GPHN: variants seen among roughly 807,000 people sequenced by gnomAD.
The protein encoded by GPHN is gephyrin.
Under a neutral mutation model 95.5 loss-of-function variants are expected in GPHN, and 17 were observed. The observed-to-expected ratio is 0.18, with a 90% CI of 0.12 to 0.27. The LOEUF is 0.27. GPHN is among the 10% of genes least tolerant of loss of function. GPHN has a pLI of 1.00. For missense variants in GPHN, 660 were observed against 978.1 expected (o/e 0.67, Z 4.34); for synonymous variants, 320 against 322.5 (o/e 0.99, Z 0.08).
chr14:67,592,580 C>G, the GPHN span: 2 of 1,037,632 alleles, frequency 1.9e-6, no homozygotes, highest in African/African-American at 3.1e-5. Context: ...AATTTACATT[C>G]CTAATGAAAA....
At chr14:67,054,087 A>C (rs923718603) in intron 10 of GPHN, among the ~76,000 whole-genome samples, 2 of 152,200 alleles carry the variant, frequency 1.3e-5, no homozygotes, top group Non-Finnish European at 2.9e-5. Flanking sequence ...CTCCTATTCA[A>C]CATAGAATTG....
chr14:67,452,364 A>G, the GPHN span, among the ~76,000 whole-genome samples: 3 of 151,488 alleles, frequency 2.0e-5, no homozygotes, highest in South Asian at 4.2e-4. Flanking sequence ...TTCTCTGTAC[A>G]AGGTTTTTTT....
At chr14:67,197,857 A>G in the GPHN span, among the ~76,000 whole-genome samples, 2 of 151,918 alleles carry the variant, frequency 1.3e-5, no homozygotes, top group African/African-American at 2.4e-5. Context: ...TTTTTACTAT[A>G]TGTATCTGTT....
chr14:67,659,665 ATAGT>A, the GPHN span: 1 of 1,472,236 alleles, frequency 6.8e-7, no homozygotes, highest in Non-Finnish European at 9.1e-7. Context: ...CCCCAACAAT[ATAGT>A]TAATTTTTGT....
chr14:67,716,129 G>A, the GPHN span, among the ~76,000 whole-genome samples: 1 of 151,790 alleles, frequency 6.6e-6, no homozygotes, highest in Non-Finnish European at 1.5e-5. Context: ...CCTGGGAGGC[G>A]GAGCTTGCAG....
At chr14:66,725,230 T>A (rs1366085997) in intron 2 of GPHN, among the ~76,000 whole-genome samples, 4 of 152,204 alleles carry the variant, frequency 2.6e-5, no homozygotes, top group African/African-American at 9.6e-5. Context: ...CCACCCAGTG[T>A]ATGTATTTTA....
rs1216822770 is a variant in GPHN at position 66,685,790 on chromosome 14, C to A, written c.143+4605C>A. Among the ~76,000 whole-genome samples, 5 of 152,298 alleles carry A rather than the reference C, an allele frequency of 3.3e-5. No individual in the cohort carries two copies. The East Asian group carries it at 9.6e-4, about 29-fold the overall frequency. Reference sequence around the variant, plus strand: ...GTCAATTTTGCTTATGTTGCCATTGCTTTTGGTGTTTTAGACATGAAGTCC... The same window carrying A: ...GTCAATTTTGCTTATGTTGCCATTGATTTTGGTGTTTTAGACATGAAGTCC... On this transcript the variant is annotated intron_variant, in intron 2 of 22. Coordinates refer to ENST00000478722, the MANE Select transcript of GPHN (RefSeq NM_020806.5).
chr14:66,951,593 C>CA (rs1167612657), intron 8 of GPHN, among the ~76,000 whole-genome samples: 5 of 149,592 alleles, frequency 3.3e-5, no homozygotes, highest in African/African-American at 1.2e-4. Flanking sequence ...TTGCAAAGGG[C>CA]AAAAAAACAA....
chr14:67,352,001 A>G, the GPHN span, among the ~76,000 whole-genome samples: 6 of 152,034 alleles, frequency 3.9e-5, no homozygotes, highest in South Asian at 2.1e-4. Flanking sequence ...AAAGTAGTAC[A>G]GGGCCAGGCA....
At chr14:67,716,348 AT>A in the GPHN span, among the ~76,000 whole-genome samples, 1 of 152,162 alleles carries the variant, frequency 6.6e-6, no homozygotes, top group African/African-American at 2.4e-5. Context: ...GAGAGGAGAT[AT>A]ATTTAAGTTG....
the GPHN span, among the ~76,000 whole-genome samples, chr14:67,582,589 C>G: frequency 6.6e-6 from 1 of 152,042 alleles, no homozygotes; most frequent in Non-Finnish European, 1.5e-5. This position sits in a 1 kb window ranked among gnomAD's most constrained non-coding sequence, Gnocchi z 5.0. Context: ...GAGGCCGAGG[C>G]GGGCAGATCA....
the GPHN span, among the ~76,000 whole-genome samples, chr14:67,719,382 G>C: frequency 1.3e-5 from 2 of 152,216 alleles, no homozygotes; most frequent in African/African-American, 4.8e-5. Flanking sequence ...TAAGCCATCA[G>C]TCTTAAGACC....
intron 1 of GPHN, among the ~76,000 whole-genome samples, chr14:66,621,593 T>G (rs2153317435): frequency 6.6e-6 from 1 of 151,238 alleles, no homozygotes; most frequent in East Asian, 2.0e-4. Flanking sequence ...CCCAGCTAAT[T>G]TTTTGTATTT....
chr14:67,666,440 A>G, the GPHN span, among the ~76,000 whole-genome samples: 5 of 152,340 alleles, frequency 3.3e-5, no homozygotes, highest in South Asian at 1.0e-3. Context: ...CTCTATAACA[A>G]CATACTTTTA....
At chr14:66,801,886 A>G (rs776127295) in intron 3 of GPHN, among the ~76,000 whole-genome samples, 1 of 151,982 alleles carries the variant, frequency 6.6e-6, no homozygotes, top group Admixed American at 6.6e-5. Flanking sequence ...TGTGGCCACC[A>G]TCTCTAGGAC....
At chr14:67,679,825 T>A in the GPHN span, among the ~76,000 whole-genome samples, 16,725 of 152,126 alleles carry the variant, frequency 0.11, 1,327 homozygotes, top group South Asian at 0.34. Flanking sequence ...GTCAAAGTTT[T>A]AAAAAAAATG....
the GPHN span, chr14:67,347,476 T>C: frequency 1.9e-6 from 3 of 1,572,232 alleles, no homozygotes; most frequent in Middle Eastern, 1.7e-4. Flanking sequence ...GAAGCATACA[T>C]GGATTCATAA....
At chr14:66,636,715 G>A (rs1377938992) in intron 1 of GPHN, among the ~76,000 whole-genome samples, 1 of 152,012 alleles carries the variant, frequency 6.6e-6, no homozygotes, top group African/African-American at 2.4e-5. Flanking sequence ...GATTGGTAAG[G>A]ACCCTGTAGA....
At chr14:67,224,554 C>T in the GPHN span, 2 of 206,610 alleles carry the variant, frequency 9.7e-6, no homozygotes, top group African/African-American at 2.4e-5. Flanking sequence ...GCCACTGTGC[C>T]CGGCCCCATT....
Sources: allele counts gnomAD v4.1 joint callset (sites outside exome capture counted in the v4.1 genomes callset), GRCh38; gene constraint gnomAD v4.1.1; non-coding constraint Gnocchi (gnomAD v3.1); transcripts MANE v1.5; gene names NCBI Gene and HGNC (gene_info 2026-07-23, HGNC 2026-07-21).